SGSM2: variants seen among roughly 807,000 people sequenced by gnomAD.
SGSM2 encodes small G protein signaling modulator 2, also known as RUN and TBC1 domain containing 1.
Under a neutral mutation model 126.6 loss-of-function variants are expected in SGSM2, and 89 were observed. The observed-to-expected ratio is 0.70, with a 90% CI of 0.59 to 0.84. The LOEUF is 0.84. Among genes scored for constraint, SGSM2 ranks in the 40% least tolerant of loss-of-function variants. The probability of loss-of-function intolerance (pLI) is 0.00; values close to 1 mark genes in which losing one functional copy is unlikely to be tolerated. For synonymous variants in SGSM2, 614 were observed against 574.3 expected, an observed-to-expected ratio of 1.07 and a Z score of -0.99; for missense variants, 1,404 against 1,416.6, an observed-to-expected ratio of 0.99 and a Z score of 0.14.
In SGSM2 at chr17:2,380,746, C is replaced by A; in HGVS notation, c.*1226C>A. 1 of 206,014 alleles carries A rather than the reference C, an allele frequency of 4.9e-6. No homozygotes were observed. The highest frequency in any genetic ancestry group is 7.6e-5 in the South Asian group (1 of 13,160). 12.8% of individuals were successfully genotyped at this position (206,014 alleles called of 1,614,324 possible). Reference sequence around the variant, plus strand: ...TGCCCGGGGCTGGGGCCTAGTCCAGCAGCCACCAAAGTCTGGCAGACTTTC... The same window carrying A: ...TGCCCGGGGCTGGGGCCTAGTCCAGAAGCCACCAAAGTCTGGCAGACTTTC... On this transcript the variant is annotated 3_prime_UTR_variant, in exon 24 of 24. Coordinates refer to ENST00000268989, the MANE Select transcript of SGSM2 (RefSeq NM_014853.3).
At chr17:2,360,360 A>G (rs560068526) in intron 2 of SGSM2, among the ~76,000 whole-genome samples, 1 of 152,280 alleles carries the variant, frequency 6.6e-6, no homozygotes, top group East Asian at 1.9e-4. Flanking sequence ...AATAAAAATA[A>G]AAAAACCTTG....
chr17:2,363,295 C>T lies in SGSM2; in HGVS notation c.672+161C>T, dbSNP rs912063814. ...GCACAATAAAACTTAACACAAATGC[C>T]GGGAGCCCATGCTGGTCCGTGGCTG... On this transcript the variant is annotated intron_variant, in intron 6 of 23. Coordinates refer to ENST00000268989, the MANE Select transcript of SGSM2 (RefSeq NM_014853.3). The surrounding 1 kb of genome is among the most constrained non-coding windows in gnomAD (Gnocchi z 4.2). Among the ~76,000 whole-genome samples the T allele has an allele frequency of 3.9e-5, 6 of 152,262 alleles. No homozygotes were observed. Among genetic ancestry groups the T allele is most frequent in the Non-Finnish European group, 7.3e-5 (5 of 68,042 alleles).
Position 2,379,561 on chromosome 17 carries a change from C to T in SGSM2, c.*41C>T, listed in dbSNP as rs550112187. ...CAGCAGCCGTGCAGAGCCTGGGCTC[C>T]GGCAGGGAGAGGTGCAGGGGAGTCA... On this transcript the variant is annotated 3_prime_UTR_variant, in exon 24 of 24. Transcript: ENST00000268989. 66 of 1,593,548 alleles carry T rather than the reference C, an allele frequency of 4.1e-5. 1 individual carries two copies. Among genetic ancestry groups the T allele is most frequent in the Non-Finnish European group, 5.0e-5 (58 of 1,166,276 alleles).
chr17:2,379,270 C>A, intron 23 of SGSM2, 67 bp downstream of exon 23: 1 of 1,588,420 alleles, frequency 6.3e-7, no homozygotes. Flanking sequence ...CTCTGCCCCG[C>A]ACACAGCTGG....
At chr17:2,342,021 A>G (rs1168632517) in intron 1 of SGSM2, among the ~76,000 whole-genome samples, 1 of 152,182 alleles carries the variant, frequency 6.6e-6, no homozygotes, top group African/African-American at 2.4e-5. Context: ...TGAACAATCT[A>G]CAGCTATACA....
rs760597075 is a variant in SGSM2 at position 2,372,279 on chromosome 17, TGGCGGGCTGGG to T, written c.1642+33_1642+43del. 1.1e-5 allele frequency: 18 copies of T among 1,612,082 alleles called. No individual in the cohort carries two copies. Among genetic ancestry groups the T allele is most frequent in the Admixed American group, 8.3e-5 (5 of 59,946 alleles). Reference sequence around the variant, plus strand: ...TGTGAGTGTGGGGCGCGCCGGGCTGTGGCGGGCTGGGGGCGGGCGGCCCTGGGTCCCAGCCT... The same window carrying T: ...TGTGAGTGTGGGGCGCGCCGGGCTGTGGCGGGCGGCCCTGGGTCCCAGCCT... On this transcript the variant is annotated intron_variant, in intron 14 of 23. Coordinates refer to ENST00000268989, the MANE Select transcript of SGSM2 (RefSeq NM_014853.3). This position sits in a 1 kb window ranked among gnomAD's most constrained non-coding sequence, Gnocchi z 6.0.
At position 2,367,187 on chromosome 17, in the gene SGSM2, A is replaced by G. The variant is rs1458777240; in HGVS notation, c.1289-84A>G. On this transcript the variant is annotated intron_variant, in intron 11 of 23. Coordinates refer to ENST00000268989, the MANE Select transcript of SGSM2 (RefSeq NM_014853.3). This position sits in a 1 kb window ranked among gnomAD's most constrained non-coding sequence, Gnocchi z 4.0. Reference sequence around the variant, plus strand: ...CAGATTCACGATGACCCCGGCCTCCATTCCACTCCCCTTAAGGAGGGAGTC... The same window carrying G: ...CAGATTCACGATGACCCCGGCCTCCGTTCCACTCCCCTTAAGGAGGGAGTC... 4.1e-6 allele frequency: 6 copies of G among 1,467,078 alleles called. No individual in the cohort carries two copies. The highest frequency in any genetic ancestry group is 5.5e-6 in the Non-Finnish European group (6 of 1,094,160). 90.9% of individuals were successfully genotyped at this position (1,467,078 alleles called of 1,614,324 possible). A position where few individuals can be genotyped will look rare whatever the true frequency, so the allele number is the denominator to read the frequency against.
chr17:2,342,122 T>C (rs1246372355), intron 1 of SGSM2, among the ~76,000 whole-genome samples: 2 of 151,980 alleles, frequency 1.3e-5, no homozygotes, highest in Non-Finnish European at 2.9e-5. Context: ...ATAAAAAGTA[T>C]AAAAACCCAG....
At chr17:2,341,581 A>T (rs2064370730) in intron 1 of SGSM2, among the ~76,000 whole-genome samples, 1 of 152,222 alleles carries the variant, frequency 6.6e-6, no homozygotes. Context: ...ACAGCATCAG[A>T]ACATTACATT....
At chr17:2,351,870 G>A (rs1167079808) in intron 2 of SGSM2, among the ~76,000 whole-genome samples, 2 of 152,088 alleles carry the variant, frequency 1.3e-5, no homozygotes, top group African/African-American at 4.8e-5. Context: ...TTCTTGTTTT[G>A]GGGGTTGAGC....
chr17:2,371,536 G>A lies in SGSM2; in HGVS notation c.1577+121G>A, dbSNP rs1466643030. On this transcript the variant is annotated intron_variant, in intron 13 of 23. Transcript: ENST00000268989. ...GTGGCCTCTAGAGTGGGACAGATCT[G>A]GGTTCAAATTTCACTTTTGCTACCC... 6.3e-6 allele frequency: 8 copies of A among 1,269,428 alleles called. No homozygotes were observed. In the African/African-American group the frequency reaches 9.1e-5, roughly 15 times the overall value. 78.6% of individuals were successfully genotyped at this position (1,269,428 alleles called of 1,614,324 possible). A position where few individuals can be genotyped will look rare whatever the true frequency, so the allele number is the denominator to read the frequency against.
chr17:2,373,392 T>C lies in SGSM2; in HGVS notation c.1979T>C (p.Val660Ala), dbSNP rs768859355. The change falls in exon 17 of 24, where the codon GTG (valine) becomes GCG (alanine). Residue 660 changes from valine (V) to alanine (A), a missense_variant. Coordinates refer to ENST00000268989, the MANE Select transcript of SGSM2 (RefSeq NM_014853.3). ...QVLAEWKACE[V>A]VVRQREREAH... ...TTGGCAGAGTGGAAGGCCTGCGAGG[T>C]GGTGGTGAGGCAGCGGGAGCGGGAG... The C allele has an allele frequency of 6.2e-7, 1 of 1,611,726 alleles. No individual in the cohort carries two copies. The highest frequency in any genetic ancestry group is 1.3e-5 in the African/African-American group (1 of 74,596).
In SGSM2 at chr17:2,372,793, TG is replaced by T; in HGVS notation, c.1789-156del. The T allele has an allele frequency of 1.0e-6, 1 of 999,188 alleles. No individual in the cohort carries two copies. The allele number at this position is 999,188 out of a possible 1,614,324, so 61.9% of individuals were successfully genotyped here. Reference sequence around the variant, plus strand: ...AACGAGATCTCATCCCACTGTGAGCTGGGGCACGGGAGGACGTGGCCACCCC... The same window carrying T: ...AACGAGATCTCATCCCACTGTGAGCTGGGCACGGGAGGACGTGGCCACCCC... On this transcript the variant is annotated intron_variant, in intron 15 of 23. Transcript: ENST00000268989. This position sits in a 1 kb window ranked among gnomAD's most constrained non-coding sequence, Gnocchi z 6.0.
Position 2,363,488 on chromosome 17 carries a change from C to T in SGSM2, c.696C>T (p.Gly232=). The T allele has an allele frequency of 6.2e-7, 1 of 1,613,432 alleles. No homozygotes were observed. The highest frequency in any genetic ancestry group is 1.1e-5 in the South Asian group (1 of 91,084). ...AGATCCGGAAACGGCACTCAAGCGG[C>T]AGCGCGTCGGAGGACAGGCTGGCTG... is the stretch of plus-strand genomic sequence containing the variant. ...ALGIRKRHSS[G]SASEDRLAAC... is the part of the protein sequence containing the mutation. Residue 232 remains glycine, a synonymous_variant, in exon 7 of 24, where the codon GGC becomes GGT. Transcript: ENST00000268989. The surrounding 1 kb of genome is among the most constrained non-coding windows in gnomAD (Gnocchi z 4.2).
intron 2 of SGSM2, among the ~76,000 whole-genome samples, chr17:2,359,208 C>T (rs2065210277): frequency 6.6e-6 from 1 of 151,902 alleles, no homozygotes; most frequent in Non-Finnish European, 1.5e-5. Flanking sequence ...CCCCAGAAGC[C>T]CATTCACAAA....
At position 2,363,810 on chromosome 17, in the gene SGSM2, G is replaced by C. The variant is rs1008824028; in HGVS notation, c.807+211G>C. The C allele has an allele frequency of 2.4e-6, 2 of 832,166 alleles. No homozygotes were observed. Among genetic ancestry groups the C allele is most frequent in the Admixed American group, 2.8e-5 (1 of 36,074 alleles). 51.5% of individuals were successfully genotyped at this position (832,166 alleles called of 1,614,324 possible). A position where few individuals can be genotyped will look rare whatever the true frequency, so the allele number is the denominator to read the frequency against. On this transcript the variant is annotated intron_variant, in intron 7 of 23. Transcript: ENST00000268989. This position sits in a 1 kb window ranked among gnomAD's most constrained non-coding sequence, Gnocchi z 4.2. ...GGCAGCCAGCAGGCGAGGGGAGTCC[G>C]CAGTGTGGGTATGGCTGGCCTGGAA...
intron 18 of SGSM2, 54 bp from the exon 19 acceptor site, chr17:2,376,083 C>T: frequency 6.2e-7 from 1 of 1,611,422 alleles, no homozygotes; most frequent in Non-Finnish European, 8.5e-7. Context: ...CCTCCTGCCC[C>T]CAGCCTGGGA....
intron 2 of SGSM2, among the ~76,000 whole-genome samples, chr17:2,359,667 G>A (rs565312028): frequency 4.6e-5 from 7 of 152,150 alleles, no homozygotes; most frequent in African/African-American, 7.2e-5. Context: ...AGGCCACCCC[G>A]ATGGGAGTGC....
chr17:2,363,944 C>T lies in SGSM2; in HGVS notation c.808-115C>T, dbSNP rs1205457606. 1 of 1,318,486 alleles carries T rather than the reference C, an allele frequency of 7.6e-7. No homozygotes were observed. The highest frequency in any genetic ancestry group is 1.1e-6 in the Non-Finnish European group (1 of 931,900). 81.7% of individuals were successfully genotyped at this position (1,318,486 alleles called of 1,614,324 possible). A position where few individuals can be genotyped will look rare whatever the true frequency, so the allele number is the denominator to read the frequency against. ...TCTGCCCCGTCCCTAGTCCAGGACC[C>T]CGTGACTAGCCTAGCTTGGCCTCCC... On this transcript the variant is annotated intron_variant, in intron 7 of 23. Coordinates refer to ENST00000268989, the MANE Select transcript of SGSM2 (RefSeq NM_014853.3). This position sits in a 1 kb window ranked among gnomAD's most constrained non-coding sequence, Gnocchi z 4.2.
Sources: gnomAD v4.1 joint callset for allele counts (sites outside exome capture counted in the v4.1 genomes callset) on GRCh38, gnomAD v4.1.1 for gene constraint, Gnocchi (gnomAD v3.1) non-coding constraint, MANE v1.5 for transcripts, NCBI Gene and HGNC (gene_info 2026-07-23, HGNC 2026-07-21) for gene names.